Variants in B3GALT1 observed in about 807,000 individuals in gnomAD.
The protein encoded by B3GALT1 is beta-1,3-galactosyltransferase 1.
B3GALT1 carries 10 observed loss-of-function variants against 23.2 expected under a neutral mutation model. The observed-to-expected ratio is 0.43, with a 90% CI of 0.27 to 0.73. The LOEUF (loss-of-function observed/expected upper bound fraction) is 0.73. B3GALT1 is among the 30% of genes least tolerant of loss of function. The pLI, the probability that B3GALT1 is intolerant of heterozygous loss-of-function variation, is 0.21. For synonymous variants in B3GALT1, 156 were observed against 141.5 expected (o/e 1.10, Z -0.73); for missense variants, 299 against 405.4 (o/e 0.74, Z 2.25).
intron 1 of B3GALT1, among the ~76,000 whole-genome samples, chr2:167,352,256 C>T (rs2105256350): frequency 8.0e-6 from 1 of 124,984 alleles, no homozygotes; most frequent in African/African-American, 2.8e-5. Context: ...TGTGAGCCAC[C>T]ATGCCTGGCC....
chr2:167,804,233 G>A (rs192993636), intron 3 of B3GALT1, among the ~76,000 whole-genome samples: 1,543 of 152,140 alleles, frequency 0.01, 36 homozygotes, highest in African/African-American at 0.035. Flanking sequence ...CAAGTGATCT[G>A]CGAGCCTCGG....
chr2:167,475,667 C>T (rs1478849176), intron 1 of B3GALT1, among the ~76,000 whole-genome samples: 1 of 152,042 alleles, frequency 6.6e-6, no homozygotes, highest in Non-Finnish European at 1.5e-5. Flanking sequence ...GAAATGTCTT[C>T]TGATTAAGAT....
At chr2:167,674,186 G>A (rs1686383859) in intron 3 of B3GALT1, among the ~76,000 whole-genome samples, 1 of 152,020 alleles carries the variant, frequency 6.6e-6, no homozygotes, top group South Asian at 2.1e-4. Flanking sequence ...CTTTGCAACT[G>A]TGAATCAAAT....
At chr2:167,566,808 C>T (rs776993924) in intron 2 of B3GALT1, among the ~76,000 whole-genome samples, 3 of 152,124 alleles carry the variant, frequency 2.0e-5, no homozygotes, top group Non-Finnish European at 4.4e-5. Context: ...AAGGCAGTGT[C>T]AGTGACTGTG....
At chr2:167,831,260 A>G (rs540775402) in intron 4 of B3GALT1, among the ~76,000 whole-genome samples, 3 of 152,328 alleles carry the variant, frequency 2.0e-5, no homozygotes, top group African/African-American at 7.2e-5. Context: ...AGTTAGTTAT[A>G]AGCCCAACTA....
intron 1 of B3GALT1, among the ~76,000 whole-genome samples, chr2:167,423,493 G>A (rs1052073516): frequency 1.3e-5 from 2 of 152,066 alleles, no homozygotes; most frequent in African/African-American, 4.8e-5. Flanking sequence ...AATACCAAAC[G>A]TTTCTCCCCA....
chr2:167,446,797 T>C (rs1699003162), intron 1 of B3GALT1, among the ~76,000 whole-genome samples: 1 of 152,196 alleles, frequency 6.6e-6, no homozygotes, highest in East Asian at 1.9e-4. Flanking sequence ...CCTCTTTGCG[T>C]TGGGTTCGAA....
intron 1 of B3GALT1, among the ~76,000 whole-genome samples, chr2:167,312,489 T>C (rs1294378975): frequency 6.6e-6 from 1 of 151,858 alleles, no homozygotes; most frequent in African/African-American, 2.4e-5. Context: ...AGTAAAATGC[T>C]CAGTACAAAG....
intron 3 of B3GALT1, among the ~76,000 whole-genome samples, chr2:167,730,841 C>T (rs539988440): frequency 3.3e-5 from 5 of 152,304 alleles, no homozygotes; most frequent in Admixed American, 1.3e-4. Context: ...AAATCAGTGG[C>T]AGGTACTTTT....
chr2:167,499,773 C>G (rs188275965), intron 2 of B3GALT1, among the ~76,000 whole-genome samples: 1 of 152,170 alleles, frequency 6.6e-6, no homozygotes, highest in East Asian at 1.9e-4. Context: ...CAGTGCCCTA[C>G]ATTAAAGACA....
At chr2:167,443,235 T>G (rs980348699) in intron 1 of B3GALT1, among the ~76,000 whole-genome samples, 10 of 152,052 alleles carry the variant, frequency 6.6e-5, no homozygotes, top group African/African-American at 2.4e-4. Flanking sequence ...TTGATCTATA[T>G]CTCTGTTTTG....
intron 1 of B3GALT1, among the ~76,000 whole-genome samples, chr2:167,392,093 C>G (rs1042038044): frequency 1.3e-5 from 2 of 151,826 alleles, no homozygotes; most frequent in Non-Finnish European, 2.9e-5. Flanking sequence ...CCAAGCAGAC[C>G]TGTTTTTACT....
intron 4 of B3GALT1, among the ~76,000 whole-genome samples, chr2:167,867,197 A>T (rs1690248942): frequency 6.6e-6 from 1 of 152,172 alleles, no homozygotes; most frequent in African/African-American, 2.4e-5. Context: ...AAGTGCTGGG[A>T]TTACAGGCGT....
intron 3 of B3GALT1, among the ~76,000 whole-genome samples, chr2:167,682,859 A>G (rs974669438): frequency 2.6e-5 from 4 of 152,258 alleles, no homozygotes; most frequent in Non-Finnish European, 5.9e-5. Context: ...AATAATATGT[A>G]TACTCAAAGT....
chr2:167,510,700 C>A (rs1179481458), intron 2 of B3GALT1, among the ~76,000 whole-genome samples: 1 of 152,056 alleles, frequency 6.6e-6, no homozygotes, highest in Non-Finnish European at 1.5e-5. Context: ...TTGTCATTAA[C>A]TGTGATGGTA....
intron 2 of B3GALT1, among the ~76,000 whole-genome samples, chr2:167,570,649 A>G (rs1243294240): frequency 1.3e-5 from 2 of 151,996 alleles, no homozygotes; most frequent in Admixed American, 1.3e-4. Flanking sequence ...AAGTCAAAAA[A>G]TAAATACAGA....
At chr2:167,359,145 A>ATCCATATTT (rs1199409406) in intron 1 of B3GALT1, among the ~76,000 whole-genome samples, 1 of 152,180 alleles carries the variant, frequency 6.6e-6, no homozygotes, top group Non-Finnish European at 1.5e-5. Context: ...GTTATGTTTA[A>ATCCATATTT]TCCATATTTT....
intron 1 of B3GALT1, among the ~76,000 whole-genome samples, chr2:167,385,859 A>C (rs1034261941): frequency 4.6e-5 from 7 of 152,210 alleles, no homozygotes; most frequent in Non-Finnish European, 8.8e-5. Context: ...GATGAGGATT[A>C]AAAGGGTTCT....
chr2:167,453,383 A>G (rs897207541), intron 1 of B3GALT1, among the ~76,000 whole-genome samples: 2 of 152,232 alleles, frequency 1.3e-5, no homozygotes, highest in Non-Finnish European at 2.9e-5. Flanking sequence ...CACAAAGATT[A>G]TAATTCTCTT....
Sources: gnomAD v4.1 joint callset for allele counts (sites outside exome capture counted in the v4.1 genomes callset) on GRCh38, gnomAD v4.1.1 for gene constraint, MANE v1.5 for transcripts, NCBI Gene and HGNC (gene_info 2026-07-23, HGNC 2026-07-21) for gene names.